Variants in PAIP2 observed in about 807,000 individuals in gnomAD.
PAIP2 encodes the protein polyadenylate-binding protein-interacting protein 2.
Under a neutral mutation model 14.8 loss-of-function variants are expected in PAIP2, and 7 were observed. The observed-to-expected ratio is 0.47, with a 90% CI of 0.27 to 0.89. The LOEUF is 0.89. Ranked by LOEUF, PAIP2 falls within the 40% of genes least tolerant of loss-of-function variation. The pLI is 0.13. For synonymous variants in PAIP2, 47 were observed against 45.3 expected, an observed-to-expected ratio of 1.04 and a Z score of -0.15; for missense variants, 122 against 154.7, an observed-to-expected ratio of 0.79 and a Z score of 1.12.
Position 139,352,316 on chromosome 5 carries a change from C to T in PAIP2, c.-27+10336C>T, listed in dbSNP as rs192333869. 2.0e-4 allele frequency among the ~76,000 whole-genome samples: 30 copies of T among 151,360 alleles called. No individual in the cohort carries two copies. The East Asian group carries it at 3.5e-3, about 18-fold the overall frequency. Reference sequence around the variant, plus strand: ...GCTAGTTTTTCTGAGTTAGTCTTGCCGTGTTATGAAGACGTGTTATCTCCT... The same window carrying T: ...GCTAGTTTTTCTGAGTTAGTCTTGCTGTGTTATGAAGACGTGTTATCTCCT... On this transcript the variant is annotated intron_variant, in intron 1 of 3. Transcript: ENST00000265192.
intron 1 of PAIP2, among the ~76,000 whole-genome samples, chr5:139,349,894 C>T (rs954599880): frequency 5.3e-5 from 8 of 151,972 alleles, no homozygotes; most frequent in African/African-American, 9.7e-5. Context: ...CCCAGCTACT[C>T]GGGAGGCTGA....
intron 1 of PAIP2, among the ~76,000 whole-genome samples, chr5:139,362,471 C>T (rs1267236628): frequency 2.9e-5 from 4 of 140,178 alleles, no homozygotes; most frequent in South Asian, 2.2e-4. Flanking sequence ...AGTGCAACGG[C>T]GCAATCTTGG....
intron 1 of PAIP2, among the ~76,000 whole-genome samples, chr5:139,352,488 G>GTTTTT (rs1185620394): frequency 2.5e-4 from 24 of 94,828 alleles, no homozygotes; most frequent in African/African-American, 7.3e-4. Flanking sequence ...ATTCCTGCCA[G>GTTTTT]TTTTTTTTTT....
chr5:139,348,170 A>G (rs911480449), intron 1 of PAIP2, among the ~76,000 whole-genome samples: 47 of 148,320 alleles, frequency 3.2e-4, no homozygotes, highest in African/African-American at 1.1e-3. Context: ...AAAAACTACG[A>G]GTGATGAATT....
rs1581293482 is a variant in PAIP2 at position 139,348,413 on chromosome 5, G to A, written c.-27+6433G>A. 2.6e-5 allele frequency among the ~76,000 whole-genome samples: 4 copies of A among 151,002 alleles called. No individual in the cohort carries two copies. In the South Asian group the frequency reaches 8.4e-4, roughly 32 times the overall value. ...TCTGTCGCCCAAGTTGGAGTGCAGT[G>A]GCGTAGTCTCAGCTGACTGCAAGCT... On this transcript the variant is annotated intron_variant, in intron 1 of 3. Transcript: ENST00000265192.
intron 1 of PAIP2, among the ~76,000 whole-genome samples, chr5:139,357,733 A>T (rs1756956689): frequency 6.6e-6 from 1 of 152,236 alleles, no homozygotes; most frequent in South Asian, 2.1e-4. Flanking sequence ...TGTGAGGCTG[A>T]GGAAGGAGAA....
At chr5:139,349,676 T>C (rs897949389) in intron 1 of PAIP2, among the ~76,000 whole-genome samples, 5 of 152,288 alleles carry the variant, frequency 3.3e-5, no homozygotes, top group Admixed American at 6.5e-5. Context: ...GAAATTATTA[T>C]GAAAGACATA....
In PAIP2 at chr5:139,361,935, C is replaced by CAAAAA. The variant is rs34168919; in HGVS notation, c.-26-1808_-26-1804dup. Among the ~76,000 whole-genome samples the CAAAAA allele has an allele frequency of 4.0e-5, 4 of 99,998 alleles. 1 individual carries two copies. The highest frequency in any genetic ancestry group is 5.7e-5 in the Non-Finnish European group (3 of 53,094). The allele number at this position is 99,998 out of a possible 152,430, so 65.6% of individuals were successfully genotyped here. Reference sequence around the variant, plus strand: ...CACTCGTCTGGGTGAGACCCTGTCTCAAAAAAAAAAAAAAAAAAAAGATGC... The same window carrying CAAAAA: ...CACTCGTCTGGGTGAGACCCTGTCTCAAAAAAAAAAAAAAAAAAAAAAAAAGATGC... On this transcript the variant is annotated intron_variant, in intron 1 of 3. Transcript: ENST00000265192.
At chr5:139,350,908 T>G (rs993102935) in intron 1 of PAIP2, among the ~76,000 whole-genome samples, 3 of 152,042 alleles carry the variant, frequency 2.0e-5, no homozygotes, top group African/African-American at 7.2e-5. Flanking sequence ...CTTTCATTAG[T>G]GGGGGATGAT....
Position 139,369,514 on chromosome 5 carries a change from G to A in PAIP2, c.*716G>A, listed in dbSNP as rs1450494553. 1 of 152,562 alleles carries A rather than the reference G, an allele frequency of 6.6e-6. No individual in the cohort carries two copies. The highest frequency in any genetic ancestry group is 1.5e-5 in the Non-Finnish European group (1 of 68,038). 9.5% of individuals were successfully genotyped at this position (152,562 alleles called of 1,614,324 possible). On this transcript the variant is annotated 3_prime_UTR_variant, in exon 4 of 4. Transcript: ENST00000265192. ...GATACTGTAACATGATTTGAGTGGT[G>A]CTTTTCCTTGCTTTGTTAACCATCA...
At chr5:139,347,691 A>G (rs1298984830) in intron 1 of PAIP2, among the ~76,000 whole-genome samples, 1 of 152,176 alleles carries the variant, frequency 6.6e-6, no homozygotes, top group Non-Finnish European at 1.5e-5. Context: ...ATGTATACAT[A>G]TGTAACTAAC....
At chr5:139,362,986 A>G (rs1466461012) in intron 1 of PAIP2, among the ~76,000 whole-genome samples, 1 of 152,054 alleles carries the variant, frequency 6.6e-6, no homozygotes, top group Admixed American at 6.5e-5. Flanking sequence ...CACACCTATA[A>G]TCTCAGCACT....
chr5:139,368,015 A>G (rs957138790), intron 3 of PAIP2, among the ~76,000 whole-genome samples: 8 of 152,034 alleles, frequency 5.3e-5, no homozygotes, highest in Non-Finnish European at 8.8e-5. Context: ...CCTGGCTAAC[A>G]TGGTGAAACC....
intron 1 of PAIP2, among the ~76,000 whole-genome samples, chr5:139,353,317 G>T (rs983712885): frequency 3.9e-5 from 6 of 152,008 alleles, no homozygotes; most frequent in African/African-American, 1.5e-4. Flanking sequence ...TTTTGTTCTG[G>T]AGAAAAGCAT....
At chr5:139,349,599 G>A (rs1242578114) in intron 1 of PAIP2, among the ~76,000 whole-genome samples, 1 of 152,112 alleles carries the variant, frequency 6.6e-6, no homozygotes, top group East Asian at 1.9e-4. Flanking sequence ...TTAAGTGTAG[G>A]AAAATAAACG....
intron 1 of PAIP2, among the ~76,000 whole-genome samples, chr5:139,348,872 C>T (rs11955240): frequency 0.51 from 77,590 of 151,172 alleles, 24,144 homozygotes; most frequent in Non-Finnish European, 0.7. Context: ...GAGACGGTTT[C>T]GCCATGTTGG....
chr5:139,362,405 GTTTTTTTTTTT>G (rs554669690), intron 1 of PAIP2, among the ~76,000 whole-genome samples: 884 of 73,966 alleles, frequency 0.012, 20 homozygotes, highest in African/African-American at 0.041. Flanking sequence ...GTTTTTGGGT[GTTTTTTTTTTT>G]TTTTTTTTTT....
intron 3 of PAIP2, 82 bp from the exon 4 acceptor site, chr5:139,368,651 A>T: frequency 3.4e-6 from 3 of 876,830 alleles, no homozygotes; most frequent in East Asian, 2.5e-5. Flanking sequence ...TTTTTGGAAG[A>T]TGTTTTTGCA....
chr5:139,363,632 G>GAATTGCTTGA lies in PAIP2; in HGVS notation c.-26-126_-26-125insATTGCTTGAA, dbSNP rs1757135747. ...AGTTACTTGGGAGGCTGAGGCAAGA[G>GAATTGCTTGA]ATCGAGGCTGTGGTGAGCCATGATC... On this transcript the variant is annotated intron_variant, in intron 1 of 3. Coordinates refer to ENST00000265192, the MANE Select transcript of PAIP2 (RefSeq NM_016480.5). 30 of 718,226 alleles carry GAATTGCTTGA rather than the reference G, an allele frequency of 4.2e-5. No homozygotes were observed. In the African/African-American group the frequency reaches 5.2e-4, roughly 13 times the overall value. The allele number at this position is 718,226 out of a possible 1,614,324, so 44.5% of individuals were successfully genotyped here.
Sources: allele counts gnomAD v4.1 joint callset (sites outside exome capture counted in the v4.1 genomes callset), GRCh38; gene constraint gnomAD v4.1.1; transcripts MANE v1.5; gene names NCBI Gene and HGNC (gene_info 2026-07-23, HGNC 2026-07-21).